The following SOS2 variants were observed in gnomAD, a reference collection of about 807,000 sequenced individuals.
SOS2 encodes SOS Ras/Rho guanine nucleotide exchange factor 2.
Under a neutral mutation model 148.2 loss-of-function variants are expected in SOS2, and 65 were observed. That is an observed-to-expected ratio of 0.44 (90% CI 0.36 to 0.54). The LOEUF is 0.54. Among genes scored for constraint, SOS2 ranks in the 20% least tolerant of loss-of-function variants. SOS2 has a pLI of 0.00. For missense variants in SOS2, 1,341 were observed against 1,590.2 expected, an observed-to-expected ratio of 0.84 and a Z score of 2.67; for synonymous variants, 539 against 537.1, an observed-to-expected ratio of 1.00 and a Z score of -0.05.
chr14:50,222,068 GAC>G lies in SOS2; in HGVS notation c.87+9127_87+9128del, dbSNP rs149521348. On this transcript the variant is annotated intron_variant, in intron 1 of 22. Transcript: ENST00000216373. ...CAATGTAAAATTTCCAACTTTTAAAGACACACTTTTCATGTGTATTTTTAAAA... is the reference window on the plus strand; with the variant it reads ...CAATGTAAAATTTCCAACTTTTAAAGACACTTTTCATGTGTATTTTTAAAA... Among the ~76,000 whole-genome samples the G allele has an allele frequency of 1.8e-3, 272 of 152,118 alleles. 2 individuals carry two copies. The highest frequency in any genetic ancestry group is 6.4e-3 in the African/African-American group (265 of 41,492).
Position 50,157,136 on chromosome 14 carries a change from A to C in SOS2, c.1935-15T>G. ...GAATTTCAAACCTAAGAAGAAAAGC[A>C]AAAGGAGAAAAATCCGTTCATACAT... On this transcript the variant is annotated splice_polypyrimidine_tract_variant and intron_variant, in intron 11 of 22. Transcript: ENST00000216373. 6.2e-7 allele frequency: 1 copy of C among 1,606,716 alleles called. No individual in the cohort carries two copies. Among genetic ancestry groups the C allele is most frequent in the Non-Finnish European group, 8.5e-7 (1 of 1,176,766 alleles).
chr14:50,163,421 A>C (rs79664374), intron 8 of SOS2, among the ~76,000 whole-genome samples: 1,746 of 152,202 alleles, frequency 0.011, 34 homozygotes, highest in African/African-American at 0.04. Flanking sequence ...ATTACCTTTT[A>C]TTTATGTCTT....
At chr14:50,221,513 C>G (rs1035813098) in intron 1 of SOS2, among the ~76,000 whole-genome samples, 2 of 152,166 alleles carry the variant, frequency 1.3e-5, no homozygotes, top group African/African-American at 4.8e-5. Flanking sequence ...CTATAGGATA[C>G]ATGTTGCTCT....
rs188012917 is a variant in SOS2 at position 50,163,535 on chromosome 14, C to A, written c.1069-1926G>T. Among the ~76,000 whole-genome samples, 393 of 152,180 alleles carry A rather than the reference C, an allele frequency of 2.6e-3. 1 individual carries two copies. Among genetic ancestry groups the A allele is most frequent in the African/African-American group, 8.9e-3 (370 of 41,516 alleles). ...TTAGCAACATAAATAATGTAAATGA[C>A]TATTATTAGAAGTAATACCTTAATC... On this transcript the variant is annotated intron_variant, in intron 8 of 22. Coordinates refer to ENST00000216373, the MANE Select transcript of SOS2 (RefSeq NM_006939.4).
Position 50,118,347 on chromosome 14 carries a change from T to C in SOS2, c.3996A>G (p.Gln1332=), listed in dbSNP as rs938858514. The C allele has an allele frequency of 6.8e-6, 11 of 1,612,948 alleles. No individual in the cohort carries two copies. Among genetic ancestry groups the C allele is most frequent in the Admixed American group, 5.0e-5 (3 of 59,968 alleles). ...CAATGACTACATATGGCTAAGGTCA[T>C]TGGGGAGTTTCTGCATTTTCTAGCA... is the stretch of plus-strand genomic sequence containing the variant. ...LPLLENAETP[Q] The change falls in exon 23 of 23, where the codon CAA becomes CAG. Residue 1332 remains glutamine, a synonymous_variant. Transcript: ENST00000216373.
At chr14:50,177,960 A>G (rs1471159391) in intron 7 of SOS2, among the ~76,000 whole-genome samples, 1 of 152,344 alleles carries the variant, frequency 6.6e-6, no homozygotes, top group East Asian at 1.9e-4. Flanking sequence ...AATACAAATA[A>G]GAAGTCACCA....
chr14:50,123,380 CTTTT>C (rs34222143), intron 21 of SOS2, among the ~76,000 whole-genome samples: 1 of 118,486 alleles, frequency 8.4e-6, no homozygotes, highest in Admixed American at 9.4e-5. Flanking sequence ...CACCAGAGGG[CTTTT>C]TTTTTTTTTT....
chr14:50,208,346 G>A (rs921850830), intron 1 of SOS2, among the ~76,000 whole-genome samples: 3 of 151,714 alleles, frequency 2.0e-5, no homozygotes, highest in African/African-American at 7.3e-5. Context: ...TTTGATAAAG[G>A]ATGTATACTA....
intron 1 of SOS2, among the ~76,000 whole-genome samples, chr14:50,219,559 A>G (rs1887141090): frequency 6.6e-6 from 1 of 152,198 alleles, no homozygotes; most frequent in Non-Finnish European, 1.5e-5. Context: ...ATTACAGTCA[A>G]GAGGAAATTT....
At position 50,153,105 on chromosome 14, in the gene SOS2, A is replaced by G; in HGVS notation, c.2126T>C (p.Leu709Pro). Reference protein sequence around the residue: ...FYDFERDLELLERLESFISSV... With the variant: ...FYDFERDLELPERLESFISSV... ...TGAAATGAAGGATTCTAGTCTTTCA[A>G]GCAATTCCAAGTCTCTTTCAAAGTC... Residue 709 changes from leucine to proline, a missense_variant, in exon 13 of 23, where the codon CTT (leucine) becomes CCT (proline). By Grantham distance (98) the Leu-to-Pro change is moderately conservative. Transcript: ENST00000216373. 6.2e-7 allele frequency: 1 copy of G among 1,600,316 alleles called. No individual in the cohort carries two copies. The highest frequency in any genetic ancestry group is 8.6e-7 in the Non-Finnish European group (1 of 1,168,630).
intron 7 of SOS2, among the ~76,000 whole-genome samples, chr14:50,176,373 G>A (rs997076577): frequency 6.6e-6 from 1 of 152,178 alleles, no homozygotes; most frequent in Non-Finnish European, 1.5e-5. Flanking sequence ...AATTAATATA[G>A]TGAATTATTC....
chr14:50,126,828 T>C (rs1169817145), intron 21 of SOS2, among the ~76,000 whole-genome samples: 1 of 151,146 alleles, frequency 6.6e-6, no homozygotes, highest in East Asian at 1.9e-4. Flanking sequence ...GAAAAATTAT[T>C]ACCAAAGCAA....
chr14:50,133,097 G>A (rs1231160706), intron 19 of SOS2, among the ~76,000 whole-genome samples: 6 of 152,016 alleles, frequency 3.9e-5, no homozygotes, highest in Non-Finnish European at 8.8e-5. Context: ...GGACAAAATG[G>A]TTGGTATTAG....
At chr14:50,177,568 G>T (rs745374173) in intron 7 of SOS2, among the ~76,000 whole-genome samples, 18 of 151,928 alleles carry the variant, frequency 1.2e-4, no homozygotes, top group Non-Finnish European at 1.9e-4. Flanking sequence ...AATAAAATAG[G>T]ACTGAAACAA....
intron 3 of SOS2, 93 bp downstream of exon 3, chr14:50,200,860 C>A: frequency 2.5e-6 from 3 of 1,205,462 alleles, no homozygotes; most frequent in Non-Finnish European, 3.6e-6. Context: ...CACACTAACA[C>A]AGACCATGCT....
intron 4 of SOS2, among the ~76,000 whole-genome samples, chr14:50,197,412 ATC>A (rs1886344757): frequency 6.6e-6 from 1 of 152,230 alleles, no homozygotes; most frequent in Non-Finnish European, 1.5e-5. Context: ...CCTGTGTGCC[ATC>A]TGAGAAAATG....
Position 50,118,747 on chromosome 14 carries a change from G to A in SOS2, c.3596C>T (p.Pro1199Leu), listed in dbSNP as rs755530290. 9.9e-6 allele frequency: 16 copies of A among 1,613,158 alleles called. No individual in the cohort carries two copies. Among genetic ancestry groups the A allele is most frequent in the South Asian group, 3.3e-5 (3 of 91,030 alleles). The stretch of plus-strand genomic sequence containing the variant: ...TGGTGGCGGAGGTGGACTATGCAGA[G>A]GCCCATCAAATGCACCAGTAGGAAC... ...VPVPTGAFDG[P>L]LHSPPPPPPR... Residue 1199 changes from proline to leucine, a missense_variant, in exon 23 of 23, where the codon CCT becomes CTT. By Grantham distance (98) the Pro-to-Leu change is moderately conservative. Around this residue, in one of 4 missense-constraint regions of SOS2, gnomAD observed 354 missense variants for 347.7 expected, o/e 1.02. Coordinates refer to ENST00000216373, the MANE Select transcript of SOS2 (RefSeq NM_006939.4).
At chr14:50,189,410 C>T (rs573259373) in intron 4 of SOS2, among the ~76,000 whole-genome samples, 3 of 145,328 alleles carry the variant, frequency 2.1e-5, no homozygotes, top group African/African-American at 5.0e-5. Flanking sequence ...CACTACTCGA[C>T]TATGATTATG....
chr14:50,185,691 CA>C (rs1374798483), intron 5 of SOS2, among the ~76,000 whole-genome samples: 18,806 of 82,968 alleles, frequency 0.23, 1,309 homozygotes, highest in African/African-American at 0.33. Flanking sequence ...GACTCTGTCT[CA>C]AAAAAAAAAA....
Sources: gnomAD v4.1 joint callset for allele counts (sites outside exome capture counted in the v4.1 genomes callset) on GRCh38, gnomAD v4.1.1 for gene constraint, gnomAD v4.1.1 regional missense constraint, MANE v1.5 for transcripts, NCBI Gene and HGNC (gene_info 2026-07-23, HGNC 2026-07-21) for gene names.